Variants in ZNF30 observed in about 807,000 individuals in gnomAD.
The protein encoded by ZNF30 is zinc finger protein 30.
Under a neutral mutation model 13.2 loss-of-function variants are expected in ZNF30, and 15 were observed. The ratio of observed to expected loss-of-function variants is 1.13; its 90% confidence interval spans 0.76 to 1.75. The LOEUF is 1.75. Ranked by LOEUF, ZNF30 falls within the 40% of genes most tolerant of loss-of-function variation. The pLI is 0.00. For synonymous variants in ZNF30, 223 were observed against 256.6 expected, an observed-to-expected ratio of 0.87 and a Z score of 1.25; for missense variants, 726 against 757.0, an observed-to-expected ratio of 0.96 and a Z score of 0.48.
intron 4 of ZNF30, among the ~76,000 whole-genome samples, chr19:34,935,025 C>A (rs192527733): frequency 1.3e-5 from 2 of 151,998 alleles, no homozygotes; most frequent in Admixed American, 1.3e-4. Flanking sequence ...GTCAGGAGAT[C>A]GAGACCATCC....
chr19:34,928,653 T>C (rs2012263483), intron 1 of ZNF30, among the ~76,000 whole-genome samples: 1 of 151,756 alleles, frequency 6.6e-6, no homozygotes, highest in African/African-American at 2.4e-5. Flanking sequence ...GCCAACATGG[T>C]GAAACCCTGT....
At chr19:34,937,570 CA>C (rs2012808153) in intron 4 of ZNF30, among the ~76,000 whole-genome samples, 1 of 151,842 alleles carries the variant, frequency 6.6e-6, no homozygotes, top group African/African-American at 2.4e-5. Flanking sequence ...CCCATCTCTA[CA>C]AAAAGTTTAA....
chr19:34,943,300 C>T lies in ZNF30; in HGVS notation c.334C>T (p.Gln112Ter), dbSNP rs1293267051. 2 of 1,613,676 alleles carry T rather than the reference C, an allele frequency of 1.2e-6. No homozygotes were observed. The change falls in exon 5 of 5, where the codon CAG becomes TAG. Residue 112 changes from glutamine to a stop codon, truncating the protein, a stop_gained. Coordinates refer to ENST00000601142, the MANE Select transcript of ZNF30 (RefSeq NM_194325.3). LOFTEE classifies it low-confidence loss of function (END_TRUNC). ...SENCPSFALH[Q>*]KISRQKPREC... Reference sequence around the variant, plus strand: ...AAACTGTCCATCTTTTGCTCTACATCAGAAAATAAGTAGACAGAAACCACG... The same window carrying T: ...AAACTGTCCATCTTTTGCTCTACATTAGAAAATAAGTAGACAGAAACCACG...
Position 34,943,496 on chromosome 19 carries a change from A to C in ZNF30, c.530A>C (p.Lys177Thr), listed in dbSNP as rs768460621. ...QRLHVGEKPYKYEKCGKAFIS... is the reference protein window; with the variant it reads ...QRLHVGEKPYTYEKCGKAFIS... ...TTGCATGTTGGTGAGAAACCCTATA[A>C]ATATGAAAAATGTGGGAAGGCCTTT... The change falls in exon 5 of 5, where the codon AAA (lysine) becomes ACA (threonine). Residue 177 changes from lysine to threonine, a missense_variant. By Grantham distance (78) the Lys-to-Thr change is moderately conservative. Transcript: ENST00000601142. 1 of 1,613,848 alleles carries C rather than the reference A, an allele frequency of 6.2e-7. No homozygotes were observed. The highest frequency in any genetic ancestry group is 1.7e-5 in the Admixed American group (1 of 59,994).
chr19:34,931,692 T>C, intron 2 of ZNF30, 151 bp from the exon 3 acceptor site: 1 of 694,956 alleles, frequency 1.4e-6, no homozygotes, highest in Non-Finnish European at 2.3e-6. Flanking sequence ...AGCAGCAGGA[T>C]TCTTCCAGAA....
chr19:34,940,316 A>G (rs1313219549), intron 4 of ZNF30, among the ~76,000 whole-genome samples: 1 of 152,126 alleles, frequency 6.6e-6, no homozygotes, highest in Non-Finnish European at 1.5e-5. Flanking sequence ...GATTATCCAA[A>G]TGTACACAAC....
At chr19:34,941,414 G>A (rs1013687529) in intron 4 of ZNF30, among the ~76,000 whole-genome samples, 6 of 152,152 alleles carry the variant, frequency 3.9e-5, no homozygotes, top group South Asian at 4.1e-4. Flanking sequence ...ACAAGTGCCC[G>A]CCACCATGCC....
At chr19:34,933,533 C>T (rs1236017860) in intron 3 of ZNF30, 95 bp from the exon 4 acceptor site, 24 of 828,336 alleles carry the variant, frequency 2.9e-5, no homozygotes, top group Middle Eastern at 2.4e-4. Flanking sequence ...AGGTCAATAT[C>T]GTTTGACCTT....
chr19:34,933,773 C>A, intron 4 of ZNF30, 50 bp downstream of exon 4: 1 of 1,281,348 alleles, frequency 7.8e-7, no homozygotes, highest in South Asian at 1.3e-5. Context: ...GGAAACAGCC[C>A]AGCTGTCAGG....
At chr19:34,931,039 C>CTTTTTTTTTT (rs56153327) in intron 2 of ZNF30, among the ~76,000 whole-genome samples, 4 of 122,526 alleles carry the variant, frequency 3.3e-5, no homozygotes, top group Non-Finnish European at 6.8e-5. Context: ...TTCTTTTTTT[C>CTTTTTTTTTT]TTTTTTTTTT....
upstream of ZNF30, among the ~76,000 whole-genome samples, chr19:34,926,231 A>G (rs2012069390): frequency 6.6e-6 from 1 of 152,178 alleles, no homozygotes; most frequent in African/African-American, 2.4e-5. Context: ...GGTGAATTTC[A>G]CGTTTGCCTG....
chr19:34,927,277 G>GA, intron 1 of ZNF30, 61 bp downstream of exon 1: 1 of 361,134 alleles, frequency 2.8e-6, no homozygotes, highest in Non-Finnish European at 4.9e-6. Context: ...CGGCAGGGCA[G>GA]GGAGGGTGCG....
chr19:34,937,728 T>G (rs2546005), intron 4 of ZNF30, among the ~76,000 whole-genome samples: 63,273 of 145,266 alleles, frequency 0.44, 14,662 homozygotes, highest in African/African-American at 0.65. Flanking sequence ...CTCTTAAAAA[T>G]AAAAAAAAAA....
In ZNF30 at chr19:34,931,866, C is replaced by T. The variant is rs768922528; in HGVS notation, c.33C>T (p.His11=). The T allele has an allele frequency of 3.2e-5, 52 of 1,611,844 alleles. No individual in the cohort carries two copies. The highest frequency in any genetic ancestry group is 5.3e-5 in the African/African-American group (4 of 74,818). The change falls in exon 3 of 5, where the codon CAC becomes CAT. Residue 11 remains histidine, a synonymous_variant. Transcript: ENST00000601142. Reference sequence around the variant, plus strand: ...AGAAATATGTGGGTTTGCAGTATCACGGATCAGTGACATTTGAGGATGTGG... The same window carrying T: ...AGAAATATGTGGGTTTGCAGTATCATGGATCAGTGACATTTGAGGATGTGG... The part of the protein sequence containing the change: MAHKYVGLQY[H]GSVTFEDVAI...
At chr19:34,941,856 A>C (rs1161827641) in intron 4 of ZNF30, among the ~76,000 whole-genome samples, 1 of 150,776 alleles carries the variant, frequency 6.6e-6, no homozygotes, top group Non-Finnish European at 1.5e-5. Flanking sequence ...TTTTGTCTCA[A>C]TATATCAAAG....
chr19:34,935,956 GAC>G (rs1600224754), intron 4 of ZNF30, among the ~76,000 whole-genome samples: 2 of 152,044 alleles, frequency 1.3e-5, no homozygotes, highest in East Asian at 1.9e-4. Context: ...CATGGCAGCA[GAC>G]AAGAGAGAAT....
At chr19:34,926,773 C>G, upstream of ZNF30, 1 of 395,566 alleles carries the variant, frequency 2.5e-6, no homozygotes, top group Non-Finnish European at 4.5e-6. Flanking sequence ...AAGCTGGCCA[C>G]CTACTTCGGG....
In ZNF30 at chr19:34,943,567, G is replaced by A. The variant is rs764461175; in HGVS notation, c.601G>A (p.Glu201Lys). The change falls in exon 5 of 5, where the codon GAG becomes AAG. Residue 201 changes from glutamate to lysine, a missense_variant. Coordinates refer to ENST00000601142, the MANE Select transcript of ZNF30 (RefSeq NM_194325.3). The part of the protein sequence containing the change: ...FVKHGRIHTG[E>K]KPLKCKQCGK... The stretch of plus-strand genomic sequence containing the variant: ...TAAGCATGGGAGAATTCACACTGGT[G>A]AGAAGCCACTCAAATGTAAGCAATG... The A allele has an allele frequency of 1.7e-5, 28 of 1,613,708 alleles. No individual in the cohort carries two copies. Among genetic ancestry groups the A allele is most frequent in the Non-Finnish European group, 2.1e-5 (25 of 1,179,810 alleles).
upstream of ZNF30, among the ~76,000 whole-genome samples, chr19:34,926,205 C>T (rs538836592): frequency 2.6e-5 from 4 of 152,120 alleles, no homozygotes; most frequent in South Asian, 2.1e-4. Flanking sequence ...AAACAAAAAG[C>T]GGAGCTGACA....
Sources: gnomAD v4.1 joint callset for allele counts (sites outside exome capture counted in the v4.1 genomes callset) on GRCh38, gnomAD v4.1.1 for gene constraint, MANE v1.5 for transcripts, NCBI Gene and HGNC (gene_info 2026-07-23, HGNC 2026-07-21) for gene names.